FAM24B: variants seen among roughly 807,000 people sequenced by gnomAD.
The protein encoded by FAM24B is protein FAM24B.
A neutral mutation model predicts 2.3 loss-of-function variants in FAM24B; 3 were observed. The observed-to-expected ratio is 1.29, with a 90% confidence interval of 0.59 to 3.32. The LOEUF (loss-of-function observed/expected upper bound fraction) is 3.32. Among genes scored for constraint, FAM24B ranks in the 30% most tolerant of loss-of-function variants. The pLI is 0.03. For missense variants in FAM24B, 98 were observed against 117.2 expected (o/e 0.84, Z 0.76); for synonymous variants, 36 against 46.3 (o/e 0.78, Z 0.90).
intron 1 of FAM24B, among the ~76,000 whole-genome samples, chr10:122,873,172 G>A (rs1163968666): frequency 6.6e-6 from 1 of 152,094 alleles, no homozygotes; most frequent in African/African-American, 2.4e-5. Context: ...TGCCCTCTAG[G>A]ACTTGCACAG....
chr10:122,849,530 T>G, intron 3 of FAM24B, 91 bp from the exon 4 acceptor site: 1 of 1,188,688 alleles, frequency 8.4e-7, no homozygotes, highest in Non-Finnish European at 1.2e-6. Flanking sequence ...GGGAGTTTAG[T>G]GCTGAAGCCA....
chr10:122,860,524 TA>T (rs1847711750), intron 1 of FAM24B, among the ~76,000 whole-genome samples: 1 of 152,226 alleles, frequency 6.6e-6, no homozygotes, highest in African/African-American at 2.4e-5. Flanking sequence ...GTTCATTTGG[TA>T]AATACCTAAG....
chr10:122,865,673 A>C (rs1847792992), intron 1 of FAM24B, among the ~76,000 whole-genome samples: 1 of 152,168 alleles, frequency 6.6e-6, no homozygotes, highest in African/African-American at 2.4e-5. Context: ...TTTTCTGGAT[A>C]AAACTGCATA....
At chr10:122,874,995 T>G (rs1394420829) in intron 1 of FAM24B, among the ~76,000 whole-genome samples, 1 of 152,200 alleles carries the variant, frequency 6.6e-6, no homozygotes, top group Admixed American at 6.5e-5. Flanking sequence ...TTGGTGTCAT[T>G]AATTTTGGAT....
intron 1 of FAM24B, among the ~76,000 whole-genome samples, chr10:122,876,283 T>C (rs1053221766): frequency 2.0e-5 from 3 of 152,228 alleles, no homozygotes; most frequent in African/African-American, 7.2e-5. Flanking sequence ...TCACTACCAC[T>C]AACAACGGGA....
chr10:122,872,707 G>A (rs541414256), intron 1 of FAM24B, among the ~76,000 whole-genome samples: 2 of 152,008 alleles, frequency 1.3e-5, no homozygotes, highest in South Asian at 4.2e-4. Flanking sequence ...AACACCGCAT[G>A]TTCTCACTCA....
rs79573165 is a variant in FAM24B at position 122,851,929 on chromosome 10, T to C, written c.-35-1379A>G. Among the ~76,000 whole-genome samples the C allele has an allele frequency of 3.2e-3, 480 of 152,220 alleles. 4 individuals carry two copies. Among genetic ancestry groups the C allele is most frequent in the African/African-American group, 0.01 (434 of 41,520 alleles). On this transcript the variant is annotated intron_variant, in intron 2 of 3. Transcript: ENST00000368898. ...ATTATCAAAATAACCAAATAGAAAT[T>C]ATGTCATTGGAAACTACAATAACTG... is the stretch of plus-strand genomic sequence containing the variant.
chr10:122,856,835 C>A (rs948624938), intron 1 of FAM24B, among the ~76,000 whole-genome samples: 1 of 152,276 alleles, frequency 6.6e-6, no homozygotes, highest in South Asian at 2.1e-4. Context: ...AGAAAAATCA[C>A]CCTGGGTTAC....
At chr10:122,855,166 T>A (rs1847616976) in intron 2 of FAM24B, 1 of 152,200 alleles carries the variant, frequency 6.6e-6, no homozygotes, top group Non-Finnish European at 1.5e-5. Context: ...CTCAGAGAAA[T>A]AAAGATTGTG....
intron 1 of FAM24B, among the ~76,000 whole-genome samples, chr10:122,862,763 T>G (rs1017070792): frequency 3.3e-5 from 5 of 152,130 alleles, no homozygotes; most frequent in African/African-American, 1.2e-4. Flanking sequence ...GCCTTATATT[T>G]TCTTTGCTCT....
intron 1 of FAM24B, among the ~76,000 whole-genome samples, chr10:122,863,719 T>C (rs376288748): frequency 1.3e-5 from 2 of 152,258 alleles, no homozygotes; most frequent in Non-Finnish European, 2.9e-5. Context: ...TTACCATCCA[T>C]AGGCGTAGCC....
intron 1 of FAM24B, among the ~76,000 whole-genome samples, chr10:122,870,806 A>G (rs1297984837): frequency 6.6e-6 from 1 of 152,234 alleles, no homozygotes; most frequent in African/African-American, 2.4e-5. Flanking sequence ...AGAGCTATCT[A>G]TGACAAACCC....
intron 1 of FAM24B, among the ~76,000 whole-genome samples, chr10:122,866,615 A>G (rs1847807943): frequency 6.6e-6 from 1 of 151,978 alleles, no homozygotes; most frequent in Non-Finnish European, 1.5e-5. Context: ...TTGCTTTATT[A>G]TTATATATGT....
chr10:122,868,658 C>A (rs1297478598), intron 1 of FAM24B, among the ~76,000 whole-genome samples: 1 of 152,070 alleles, frequency 6.6e-6, no homozygotes, highest in Admixed American at 6.6e-5. Flanking sequence ...AATTTTCAAC[C>A]CAGAATTTCA....
chr10:122,864,158 A>G (rs56928891), intron 1 of FAM24B, among the ~76,000 whole-genome samples: 3,894 of 152,290 alleles, frequency 0.026, 149 homozygotes, highest in African/African-American at 0.082. Context: ...TGTTGAAAAA[A>G]TTTAGCATTA....
intron 1 of FAM24B, among the ~76,000 whole-genome samples, chr10:122,856,590 GCAT>G (rs1847642642): frequency 6.6e-6 from 1 of 152,156 alleles, no homozygotes; most frequent in Non-Finnish European, 1.5e-5. Context: ...GACAGCAAAA[GCAT>G]CTGAATATCT....
chr10:122,850,388 C>G, intron 3 of FAM24B, 36 bp downstream of exon 3: 1 of 1,550,280 alleles, frequency 6.5e-7, no homozygotes, highest in African/African-American at 1.4e-5. Context: ...ATGTGACTCA[C>G]TTTAGTACGT....
intron 1 of FAM24B, among the ~76,000 whole-genome samples, chr10:122,856,667 T>A (rs116522046): frequency 6.3e-4 from 95 of 151,920 alleles, no homozygotes; most frequent in African/African-American, 2.2e-3. Flanking sequence ...TCTGCAGGGG[T>A]CTCTTCTTCT....
rs116006569 is a variant in FAM24B, at chr10:122,858,099, C to T, written c.-177-2313G>A. On this transcript the variant is annotated intron_variant, in intron 1 of 3. Coordinates refer to ENST00000368898, the MANE Select transcript of FAM24B (RefSeq NM_152644.3). ...AATCATGCTGCTATAAAGACACATA[C>T]ACACATAGGTTTATTGAGGCACTAT... Among the ~76,000 whole-genome samples, 1,230 of 152,320 alleles carry T rather than the reference C, an allele frequency of 8.1e-3. 21 individuals carry two copies. Among genetic ancestry groups the T allele is most frequent in the African/African-American group, 0.028 (1,177 of 41,556 alleles).
Sources: gnomAD v4.1 joint callset for allele counts (sites outside exome capture counted in the v4.1 genomes callset) on GRCh38, gnomAD v4.1.1 for gene constraint, MANE v1.5 for transcripts, NCBI Gene and HGNC (gene_info 2026-07-23, HGNC 2026-07-21) for gene names.